The following EXOC4 variants were observed in gnomAD, a reference collection of about 807,000 sequenced individuals.
EXOC4 encodes the protein exocyst complex component 4, also known as SEC8-like 1.
A neutral mutation model predicts 107.2 loss-of-function variants in EXOC4; 71 were observed. That is an observed-to-expected ratio of 0.66 (90% CI 0.55 to 0.81). EXOC4 has a LOEUF of 0.81. Ranked by LOEUF, EXOC4 falls within the 30% of genes least tolerant of loss-of-function variation. The probability of loss-of-function intolerance (pLI) is 0.00; values close to 1 mark genes in which losing one functional copy is unlikely to be tolerated. For missense variants in EXOC4, 1,108 were observed against 1,189.6 expected, an observed-to-expected ratio of 0.93 and a Z score of 1.01; for synonymous variants, 456 against 441.2, an observed-to-expected ratio of 1.03 and a Z score of -0.42.
intron 6 of EXOC4, among the ~76,000 whole-genome samples, chr7:133,374,153 G>A (rs1042155262): frequency 6.6e-6 from 1 of 152,162 alleles, no homozygotes; most frequent in Non-Finnish European, 1.5e-5. Context: ...ATCAACTTTT[G>A]TTCTAGGCTT....
At chr7:133,702,042 C>G (rs1794671239) in intron 10 of EXOC4, among the ~76,000 whole-genome samples, 1 of 144,182 alleles carries the variant, frequency 6.9e-6, no homozygotes, top group African/African-American at 2.6e-5. Flanking sequence ...CCTCTGTCAC[C>G]CAGGCTGGAG....
At chr7:133,255,505 C>A (rs573528651) in intron 1 of EXOC4, among the ~76,000 whole-genome samples, 40 of 152,138 alleles carry the variant, frequency 2.6e-4, no homozygotes, top group Non-Finnish European at 4.1e-4. Flanking sequence ...TTGACCACCT[C>A]AGATCACTGC....
At chr7:133,899,160 A>G (rs958823707) in intron 12 of EXOC4, among the ~76,000 whole-genome samples, 1 of 151,984 alleles carries the variant, frequency 6.6e-6, no homozygotes. Flanking sequence ...GCACCCAATA[A>G]CTTTCTTACA....
intron 2 of EXOC4, among the ~76,000 whole-genome samples, chr7:133,279,097 G>T (rs1794069262): frequency 6.6e-6 from 1 of 151,670 alleles, no homozygotes; most frequent in Non-Finnish European, 1.5e-5. Flanking sequence ...GCGATAGTTT[G>T]CTGAGAATGA....
rs1554469777 is a variant in EXOC4 at position 133,541,430 on chromosome 7, C to T, written c.1417+61292C>T. ...ATGATTTCTCCTTAAATAGTTGCCT[C>T]ATAAATAACTACTTTCAGGCATGAA... is the stretch of plus-strand genomic sequence containing the variant. On this transcript the variant is annotated intron_variant, in intron 9 of 17. Coordinates refer to ENST00000253861, the MANE Select transcript of EXOC4 (RefSeq NM_021807.4). 2.0e-5 allele frequency among the ~76,000 whole-genome samples: 3 copies of T among 152,312 alleles called. No homozygotes were observed. In the South Asian group the frequency reaches 6.2e-4, roughly 32 times the overall value.
intron 4 of EXOC4, among the ~76,000 whole-genome samples, chr7:133,313,620 A>G (rs1794925372): frequency 6.6e-6 from 1 of 152,224 alleles, no homozygotes; most frequent in Non-Finnish European, 1.5e-5. Context: ...GAACAGAAAT[A>G]TGTTATAATT....
chr7:133,414,980 T>C (rs1407621198), intron 7 of EXOC4, among the ~76,000 whole-genome samples: 1 of 152,082 alleles, frequency 6.6e-6, no homozygotes, highest in African/African-American at 2.4e-5. Context: ...ACAAATCTAC[T>C]CTCTGTCTCT....
intron 10 of EXOC4, among the ~76,000 whole-genome samples, chr7:133,811,762 G>T (rs140286958): frequency 6.6e-6 from 1 of 152,162 alleles, no homozygotes; most frequent in African/African-American, 2.4e-5. Flanking sequence ...GTTTACATTC[G>T]AATGGTGGAG....
At chr7:134,099,811 C>T in the EXOC4 span, among the ~76,000 whole-genome samples, 1 of 152,060 alleles carries the variant, frequency 6.6e-6, no homozygotes, top group Non-Finnish European at 1.5e-5. Flanking sequence ...GGTTCAAGTG[C>T]TTCTCCTGCC....
At chr7:133,614,298 A>G (rs577260066) in intron 9 of EXOC4, among the ~76,000 whole-genome samples, 1 of 152,294 alleles carries the variant, frequency 6.6e-6, no homozygotes, top group African/African-American at 2.4e-5. Context: ...TGGAAGGGAA[A>G]AGATGAACAG....
chr7:134,094,450 A>C, the EXOC4 span, among the ~76,000 whole-genome samples: 1 of 152,086 alleles, frequency 6.6e-6, no homozygotes, highest in Admixed American at 6.6e-5. Context: ...AATATCCCAG[A>C]CCGGGTGGAT....
At chr7:133,432,522 T>G in intron 7 of EXOC4, among the ~76,000 whole-genome samples, 1 of 152,230 alleles carries the variant, frequency 6.6e-6, no homozygotes, top group South Asian at 2.1e-4. Context: ...GTAATATATG[T>G]ATTCCTCTCC....
intron 9 of EXOC4, among the ~76,000 whole-genome samples, chr7:133,599,682 C>G (rs1454518881): frequency 6.6e-6 from 1 of 152,062 alleles, no homozygotes; most frequent in Non-Finnish European, 1.5e-5. Context: ...GAGACCAAAC[C>G]TTTTATTTTT....
the EXOC4 span, among the ~76,000 whole-genome samples, chr7:134,094,459 A>G: frequency 6.6e-6 from 1 of 152,124 alleles, no homozygotes; most frequent in Admixed American, 6.6e-5. Flanking sequence ...GACCGGGTGG[A>G]TTCATAGGTG....
chr7:133,367,919 T>C (rs970753186), intron 6 of EXOC4, among the ~76,000 whole-genome samples: 3 of 152,214 alleles, frequency 2.0e-5, no homozygotes, highest in African/African-American at 7.2e-5. Context: ...TCTTACTTTC[T>C]TAGGGATCTC....
chr7:133,374,659 G>A (rs1796447912), intron 6 of EXOC4, among the ~76,000 whole-genome samples, 169 bp from the exon 7 acceptor site: 1 of 152,182 alleles, frequency 6.6e-6, no homozygotes. Context: ...GTTTTTAAAA[G>A]TTGCTTAGAT....
the EXOC4 span, among the ~76,000 whole-genome samples, chr7:134,093,419 T>C: frequency 2.0e-5 from 3 of 152,132 alleles, no homozygotes; most frequent in Admixed American, 6.6e-5. Context: ...CCCAGATTAT[T>C]AAAACAAGTA....
At chr7:133,491,694 A>G (rs1799374484) in intron 9 of EXOC4, among the ~76,000 whole-genome samples, 1 of 152,204 alleles carries the variant, frequency 6.6e-6, no homozygotes, top group African/African-American at 2.4e-5. Flanking sequence ...GCTGTAGAAG[A>G]TAAGACATGC....
chr7:134,067,263 T>C (rs7793642), downstream of EXOC4, among the ~76,000 whole-genome samples: 117,921 of 151,516 alleles, frequency 0.78, 46,804 homozygotes, highest in African/African-American at 0.93. Flanking sequence ...ATGGGAGGGA[T>C]GTGTGGACTG....
Sources: gnomAD v4.1 joint callset for allele counts (sites outside exome capture counted in the v4.1 genomes callset) on GRCh38, gnomAD v4.1.1 for gene constraint, MANE v1.5 for transcripts, NCBI Gene and HGNC (gene_info 2026-07-23, HGNC 2026-07-21) for gene names.